SHISA6: variants seen among roughly 807,000 people sequenced by gnomAD.
SHISA6 encodes the protein shisa family member 6, also known as protein shisa-6.
A neutral mutation model predicts 47.9 loss-of-function variants in SHISA6; 22 were observed. That is an observed-to-expected ratio of 0.46 (90% confidence interval 0.33 to 0.66). The LOEUF is 0.66. Ranked by LOEUF, SHISA6 falls within the 30% of genes least tolerant of loss-of-function variation. SHISA6 has a pLI of 0.02. For synonymous variants in SHISA6, 388 were observed against 337.8 expected (o/e 1.15, Z -1.63); for missense variants, 680 against 764.6 (o/e 0.89, Z 1.30).
chr17:11,335,726 G>C (rs1432333074), intron 2 of SHISA6, among the ~76,000 whole-genome samples: 1 of 152,192 alleles, frequency 6.6e-6, no homozygotes, highest in Non-Finnish European at 1.5e-5. Context: ...ATGGAGGAAA[G>C]AAAGGCAGAC....
chr17:11,305,733 C>G (rs1387295074), intron 2 of SHISA6, among the ~76,000 whole-genome samples: 1 of 152,204 alleles, frequency 6.6e-6, no homozygotes, highest in African/African-American at 2.4e-5. Flanking sequence ...GCCCTCAGGG[C>G]ATGACAGAGA....
At chr17:11,369,890 CGTT>C (rs776041489) in intron 2 of SHISA6, among the ~76,000 whole-genome samples, 1 of 152,186 alleles carries the variant, frequency 6.6e-6, no homozygotes, top group African/African-American at 2.4e-5. Context: ...CAGCCTTTTG[CGTT>C]GTTTTCTCAG....
At chr17:11,546,960 G>A (rs2142383863) in intron 3 of SHISA6, among the ~76,000 whole-genome samples, 1 of 152,184 alleles carries the variant, frequency 6.6e-6, no homozygotes, top group East Asian at 1.9e-4. Context: ...GGACAGAAAG[G>A]GTTATTTAAT....
chr17:11,348,029 T>C (rs182152985), intron 2 of SHISA6, among the ~76,000 whole-genome samples: 1 of 152,326 alleles, frequency 6.6e-6, no homozygotes, highest in East Asian at 1.9e-4. Flanking sequence ...CATAAGAAGA[T>C]GCAAAATTCT....
At chr17:11,486,663 A>C (rs543616928) in intron 3 of SHISA6, among the ~76,000 whole-genome samples, 16 of 152,266 alleles carry the variant, frequency 1.1e-4, no homozygotes, top group African/African-American at 3.9e-4. Flanking sequence ...TGAGACCATA[A>C]ATAGACATGC....
intron 3 of SHISA6, among the ~76,000 whole-genome samples, chr17:11,401,106 C>G (rs572555978): frequency 6.6e-6 from 1 of 152,340 alleles, no homozygotes; most frequent in Non-Finnish European, 1.5e-5. Context: ...TAGGCCTTAC[C>G]TGGGAACTCT....
At chr17:11,372,391 G>A (rs1483100856) in intron 2 of SHISA6, among the ~76,000 whole-genome samples, 1 of 152,036 alleles carries the variant, frequency 6.6e-6, no homozygotes, top group Admixed American at 6.6e-5. Context: ...CCTGGCACTG[G>A]GTATCATCAG....
intron 3 of SHISA6, among the ~76,000 whole-genome samples, chr17:11,474,511 T>TTG (rs1239712982): frequency 6.6e-6 from 1 of 152,150 alleles, no homozygotes; most frequent in African/African-American, 2.4e-5. Context: ...GGATTGATTT[T>TTG]TGTGTGTGTG....
At chr17:11,266,342 C>T (rs1318381535) in intron 2 of SHISA6, among the ~76,000 whole-genome samples, 1 of 152,212 alleles carries the variant, frequency 6.6e-6, no homozygotes, top group Non-Finnish European at 1.5e-5. Context: ...TCAGCCACAT[C>T]AGCATCACCT....
chr17:11,472,089 T>TA (rs1162769689), intron 3 of SHISA6, among the ~76,000 whole-genome samples: 2 of 152,188 alleles, frequency 1.3e-5, no homozygotes, highest in Non-Finnish European at 2.9e-5. Flanking sequence ...GTGCCGCACC[T>TA]GTTCATCCCC....
intron 1 of SHISA6, among the ~76,000 whole-genome samples, chr17:11,244,427 G>A (rs1907496228): frequency 6.6e-6 from 1 of 152,104 alleles, no homozygotes; most frequent in African/African-American, 2.4e-5. Context: ...TCAGTTCTGG[G>A]TAACTGAAGC....
intron 3 of SHISA6, among the ~76,000 whole-genome samples, chr17:11,506,578 A>G (rs2071500674): frequency 6.6e-6 from 1 of 152,150 alleles, no homozygotes; most frequent in African/African-American, 2.4e-5. Flanking sequence ...GACCCACGCT[A>G]TTATGATGAG....
At chr17:11,495,561 G>A (rs1443306919) in intron 3 of SHISA6, among the ~76,000 whole-genome samples, 1 of 152,282 alleles carries the variant, frequency 6.6e-6, no homozygotes, top group Non-Finnish European at 1.5e-5. Context: ...GCAAAGACAA[G>A]CCCTGTGTCC....
intron 3 of SHISA6, among the ~76,000 whole-genome samples, chr17:11,453,449 C>G (rs1159832959): frequency 6.6e-6 from 1 of 152,150 alleles, no homozygotes; most frequent in Non-Finnish European, 1.5e-5. Context: ...CTGCCTAACC[C>G]AACCTGCTTT....
chr17:11,303,494 T>G (rs1209041075), intron 2 of SHISA6, among the ~76,000 whole-genome samples: 1 of 152,068 alleles, frequency 6.6e-6, no homozygotes, highest in Non-Finnish European at 1.5e-5. Context: ...ATCACTTGTG[T>G]GTGACTGTGA....
At chr17:11,394,998 C>CTTTTTTTTTTTTTTTTTTTTTTT (rs772109588) in intron 3 of SHISA6, among the ~76,000 whole-genome samples, 25 of 95,070 alleles carry the variant, frequency 2.6e-4, no homozygotes, top group African/African-American at 5.7e-4. Context: ...TTTTTCTTTT[C>CTTTTTTTTTTTTTTTTTTTTTTT]TTTTTTTTTT....
At chr17:11,404,968 C>A (rs1913900808) in intron 3 of SHISA6, among the ~76,000 whole-genome samples, 1 of 152,148 alleles carries the variant, frequency 6.6e-6, no homozygotes, top group African/African-American at 2.4e-5. Flanking sequence ...CTGATTTCTG[C>A]ACAAGAGCAA....
At chr17:11,506,800 T>C (rs758416871) in intron 3 of SHISA6, among the ~76,000 whole-genome samples, 4 of 152,178 alleles carry the variant, frequency 2.6e-5, no homozygotes, top group Non-Finnish European at 5.9e-5. Context: ...CCACTCACAC[T>C]TCAAGTTTTA....
chr17:11,391,816 G>A (rs16944657), intron 3 of SHISA6, among the ~76,000 whole-genome samples: 5,809 of 152,134 alleles, frequency 0.038, 135 homozygotes, highest in East Asian at 0.092. Context: ...CCTAAATGTC[G>A]GCCTACTGCA....
Sources: allele counts gnomAD v4.1 joint callset (sites outside exome capture counted in the v4.1 genomes callset), GRCh38; gene constraint gnomAD v4.1.1; transcripts MANE v1.5; gene names NCBI Gene and HGNC (gene_info 2026-07-23, HGNC 2026-07-21).